VPS13A: variants seen among roughly 807,000 people sequenced by gnomAD.
VPS13A encodes the protein vacuolar protein sorting 13 homolog A.
VPS13A carries 264 observed loss-of-function variants against 390.9 expected under a neutral mutation model. The observed-to-expected ratio is 0.68, with a 90% confidence interval of 0.61 to 0.75. VPS13A has a LOEUF of 0.75. VPS13A is among the 30% of genes least tolerant of loss of function. The pLI is 0.00. For synonymous variants in VPS13A, 1,231 were observed against 1,227.1 expected (o/e 1.00, Z -0.07); for missense variants, 3,409 against 3,733.9 (o/e 0.91, Z 2.27).
At chr9:77,206,132 A>G in intron 5 of VPS13A, 53 bp downstream of exon 5, 1 of 1,167,440 alleles carries the variant, frequency 8.6e-7, no homozygotes, top group Non-Finnish European at 1.2e-6. Context: ...AAAGACCTAA[A>G]TATTTATCAT....
At position 77,398,526 on chromosome 9, in the gene VPS13A, GT is replaced by G. The variant is rs564123900; in HGVS notation, c.9190-4704del. 2.0e-3 allele frequency among the ~76,000 whole-genome samples: 307 copies of G among 152,190 alleles called. 1 individual carries two copies. The highest frequency in any genetic ancestry group is 6.8e-3 in the African/African-American group (281 of 41,514). On this transcript the variant is annotated intron_variant, in intron 68 of 71. Coordinates refer to ENST00000360280, the MANE Select transcript of VPS13A (RefSeq NM_033305.3). The stretch of plus-strand genomic sequence containing the variant: ...AGTTTTTCGGTTCCAAAATTCTGGG[GT>G]TTTTTCCCCCCAAAAATGATGTTTT...
At chr9:77,212,838 T>A in intron 7 of VPS13A, 131 bp from the exon 8 acceptor site, 1 of 910,286 alleles carries the variant, frequency 1.1e-6, no homozygotes, top group Non-Finnish European at 1.8e-6. Flanking sequence ...TATTTTTTGA[T>A]GGAGTGATAT....
chr9:77,384,909 T>A, intron 68 of VPS13A: 1 of 1,354,390 alleles, frequency 7.4e-7, no homozygotes, highest in South Asian at 1.6e-5. Flanking sequence ...AGATTTGCTT[T>A]TATATATTTT....
chr9:77,185,739 C>G (rs1326982566), intron 1 of VPS13A, among the ~76,000 whole-genome samples: 1 of 152,024 alleles, frequency 6.6e-6, no homozygotes, highest in African/African-American at 2.4e-5. Flanking sequence ...TTTCTCCTGT[C>G]TTAGCATACC....
In VPS13A at chr9:77,339,786, A is replaced by G. The variant is rs1321769013; in HGVS notation, c.6649A>G (p.Met2217Val). ...TGTGGCATTTCATAGTCCTTATTGG[A>G]TGGTCAATAAAACTGGCCGCATGTT... is the stretch of plus-strand genomic sequence containing the variant. ...TVVAFHSPYW[M>V]VNKTGRMLQY... Residue 2217 changes from methionine (M) to valine (V), a missense_variant, in exon 48 of 72, where the codon ATG (methionine) becomes GTG (valine). Met to Val is a conservative substitution (Grantham distance 21). This residue lies in a region of VPS13A where 2,717 missense variants were observed against 2,917.4 expected (regional missense o/e 0.93). Coordinates refer to ENST00000360280, the MANE Select transcript of VPS13A (RefSeq NM_033305.3). 2 of 1,614,086 alleles carry G rather than the reference A, an allele frequency of 1.2e-6. No individual in the cohort carries two copies. The highest frequency in any genetic ancestry group is 1.7e-5 in the Admixed American group (1 of 60,016).
At chr9:77,346,992 G>A (rs902432419) in intron 52 of VPS13A, among the ~76,000 whole-genome samples, 6 of 152,202 alleles carry the variant, frequency 3.9e-5, no homozygotes, top group Non-Finnish European at 7.4e-5. Context: ...ATAATTGGCT[G>A]TAAGTATTTG....
intron 31 of VPS13A, among the ~76,000 whole-genome samples, chr9:77,292,345 T>A (rs1827724987): frequency 6.6e-6 from 1 of 152,188 alleles, no homozygotes; most frequent in African/African-American, 2.4e-5. Flanking sequence ...AGTGAGCTGG[T>A]GCTTATTTTC....
chr9:77,340,520 T>C lies in VPS13A; in HGVS notation c.6996T>C (p.Asn2332=). Reference sequence around the variant, plus strand: ...ATATATCAGTGGCTGAAGAAGGAAATGATAAATGGCTCTCTCTTGATTTGG... The same window carrying C: ...ATATATCAGTGGCTGAAGAAGGAAACGATAAATGGCTCTCTCTTGATTTGG... ...KYHISVAEEG[N]DKWLSLDLEQ... The change falls in exon 50 of 72, where the codon AAT becomes AAC. Residue 2332 remains asparagine (N), a synonymous_variant. Transcript: ENST00000360280. 1 of 1,612,922 alleles carries C rather than the reference T, an allele frequency of 6.2e-7. No homozygotes were observed. The highest frequency in any genetic ancestry group is 8.5e-7 in the Non-Finnish European group (1 of 1,179,678).
At position 77,315,365 on chromosome 9, in the gene VPS13A, G is replaced by T; in HGVS notation, c.4525G>T (p.Ala1509Ser). The T allele has an allele frequency of 6.2e-7, 1 of 1,613,996 alleles. No individual in the cohort carries two copies. The highest frequency in any genetic ancestry group is 8.5e-7 in the Non-Finnish European group (1 of 1,179,884). ...GGTCTTTCAAGAAATGTATATTTGT[G>T]CAAGCGTAGAATTTCTGCAGACTGT... is the stretch of plus-strand genomic sequence containing the variant. ...DAVFQEMYIC[A>S]SVEFLQTVAN... The change falls in exon 38 of 72, where the codon GCA becomes TCA. Residue 1509 changes from alanine to serine, a missense_variant. Ala to Ser is a moderately conservative substitution (Grantham distance 99). Coordinates refer to ENST00000360280, the MANE Select transcript of VPS13A (RefSeq NM_033305.3).
At chr9:77,270,002 A>G (rs1826256169) in intron 23 of VPS13A, among the ~76,000 whole-genome samples, 1 of 152,222 alleles carries the variant, frequency 6.6e-6, no homozygotes, top group Non-Finnish European at 1.5e-5. Context: ...GTCATCTGCA[A>G]GTTAACGATA....
In VPS13A at chr9:77,209,452, T is replaced by A. The variant is rs768085521; in HGVS notation, c.415T>A (p.Phe139Ile). The change falls in exon 6 of 72, where the codon TTT becomes ATT. Residue 139 changes from phenylalanine (F) to isoleucine (I), a missense_variant. Transcript: ENST00000360280. ...EQHLPEKQDT[F>I]AEKLVTQIIK... ...ACATCTGCCGGAAAAACAGGACACTTTTGCAGAAAAATTAGTTACACAGAT... is the reference window on the plus strand; with the variant it reads ...ACATCTGCCGGAAAAACAGGACACTATTGCAGAAAAATTAGTTACACAGAT... 1.9e-6 allele frequency: 3 copies of A among 1,612,850 alleles called. No homozygotes were observed. Among genetic ancestry groups the A allele is most frequent in the Non-Finnish European group, 2.5e-6 (3 of 1,179,318 alleles).
At chr9:77,289,084 G>C (rs1317054896) in intron 31 of VPS13A, among the ~76,000 whole-genome samples, 1 of 152,088 alleles carries the variant, frequency 6.6e-6, no homozygotes, top group Non-Finnish European at 1.5e-5. Flanking sequence ...TTTAATGGAT[G>C]TTTTCTTGTT....
At chr9:77,353,740 G>T in intron 54 of VPS13A, 99 bp downstream of exon 54, 1 of 1,206,028 alleles carries the variant, frequency 8.3e-7, no homozygotes, top group Non-Finnish European at 1.2e-6. Flanking sequence ...TCAGTTTTGT[G>T]CTTTGACTAT....
rs1587745764 is a variant in VPS13A, at chr9:77,418,026, A to G, written c.*2020A>G. ...TTAGAAGATTGTCTTCATCTAAACA[A>G]AAACACTAAGAAATCAGTAGATCAC... On this transcript the variant is annotated 3_prime_UTR_variant, in exon 72 of 72. Transcript: ENST00000360280. 6.6e-6 allele frequency: 1 copy of G among 152,346 alleles called. No individual in the cohort carries two copies. The highest frequency in any genetic ancestry group is 1.9e-4 in the East Asian group (1 of 5,184). 9.4% of individuals were successfully genotyped at this position (152,346 alleles called of 1,614,324 possible). A position where few individuals can be genotyped will look rare whatever the true frequency, so the allele number is the denominator to read the frequency against.
chr9:77,390,211 C>A, intron 68 of VPS13A: 1 of 710,518 alleles, frequency 1.4e-6, no homozygotes, highest in Non-Finnish European at 1.7e-6. Context: ...TCTTCCTCTC[C>A]AGAAGGATAC....
At chr9:77,368,189 C>G (rs889750998) in intron 62 of VPS13A, 53 bp downstream of exon 62, 1 of 1,420,910 alleles carries the variant, frequency 7.0e-7, no homozygotes, top group African/African-American at 1.4e-5. Context: ...CTGGTAAAAC[C>G]TTTTGTGTCT....
intron 70 of VPS13A, among the ~76,000 whole-genome samples, chr9:77,406,859 G>A (rs181805794): frequency 2.0e-5 from 3 of 152,158 alleles, no homozygotes; most frequent in South Asian, 4.1e-4. Flanking sequence ...TATGTACAGA[G>A]GAAAACATCA....
chr9:77,206,160 C>T, intron 5 of VPS13A, 81 bp downstream of exon 5: 3 of 992,392 alleles, frequency 3.0e-6, no homozygotes, highest in Non-Finnish European at 4.6e-6. Flanking sequence ...TATTATTTTT[C>T]TCTGGAGATG....
Position 77,223,771 on chromosome 9 carries a change from A to G in VPS13A, c.1162-2155A>G, listed in dbSNP as rs539278028. On this transcript the variant is annotated intron_variant, in intron 13 of 71. Coordinates refer to ENST00000360280, the MANE Select transcript of VPS13A (RefSeq NM_033305.3). ...GCTGATGGAGAAGCTGCAGCAAGTG[A>G]TCCTGAAGATCTAGCTAAGATCATT... Among the ~76,000 whole-genome samples, 9 of 152,284 alleles carry G rather than the reference A, an allele frequency of 5.9e-5. No homozygotes were observed. In the South Asian group the frequency reaches 1.9e-3, roughly 32 times the overall value.
Sources: allele counts gnomAD v4.1 joint callset (sites outside exome capture counted in the v4.1 genomes callset), GRCh38; gene constraint gnomAD v4.1.1; regional missense constraint gnomAD v4.1.1; transcripts MANE v1.5; gene names NCBI Gene and HGNC (gene_info 2026-07-23, HGNC 2026-07-21).